Variants in NTM observed in about 807,000 individuals in gnomAD.
NTM encodes the protein IgLON family member 2.
Under a neutral mutation model 42.1 loss-of-function variants are expected in NTM, and 13 were observed. That is an observed-to-expected ratio of 0.31 (90% CI 0.20 to 0.49). The LOEUF (loss-of-function observed/expected upper bound fraction) is 0.49, where lower values mean the gene tolerates loss of function less well. NTM is among the 20% of genes least tolerant of loss of function. The pLI is 0.99. For synonymous variants in NTM, 187 were observed against 179.2 expected (o/e 1.04, Z -0.35); for missense variants, 373 against 452.8 (o/e 0.82, Z 1.60).
intron 1 of NTM, among the ~76,000 whole-genome samples, chr11:131,883,240 A>G (rs1337152023): frequency 2.0e-5 from 3 of 152,218 alleles, no homozygotes; most frequent in Non-Finnish European, 2.9e-5. Flanking sequence ...TTAAAAAGGA[A>G]AAGTCAAAAC....
intron 1 of NTM, among the ~76,000 whole-genome samples, chr11:131,741,335 A>G (rs772330280): frequency 3.3e-5 from 5 of 152,114 alleles, no homozygotes; most frequent in Non-Finnish European, 5.9e-5. Context: ...TGAGTTCTGT[A>G]CCACTTGTGG....
chr11:132,116,990 T>C (rs188736816), intron 2 of NTM, among the ~76,000 whole-genome samples: 211 of 152,310 alleles, frequency 1.4e-3, no homozygotes, highest in African/African-American at 4.9e-3. Context: ...GCTAATATTT[T>C]CTCAAGAGGT....
chr11:131,826,782 C>A (rs2042187520), intron 1 of NTM, among the ~76,000 whole-genome samples: 1 of 151,988 alleles, frequency 6.6e-6, no homozygotes, highest in Non-Finnish European at 1.5e-5. Context: ...TATACTGGTC[C>A]CAAACTGCCA....
intron 6 of NTM, among the ~76,000 whole-genome samples, chr11:132,311,343 T>G (rs2136104238): frequency 6.6e-6 from 1 of 152,272 alleles, no homozygotes; most frequent in South Asian, 2.1e-4. Flanking sequence ...CAGTGTTTTG[T>G]TTTTTTAAAA....
At chr11:132,236,093 C>A (rs554105700) in intron 4 of NTM, among the ~76,000 whole-genome samples, 11 of 152,020 alleles carry the variant, frequency 7.2e-5, no homozygotes, top group Non-Finnish European at 1.3e-4. Flanking sequence ...AAAGCCTATG[C>A]TTGAAAATGA....
intron 1 of NTM, among the ~76,000 whole-genome samples, chr11:131,591,052 C>T (rs1394878566): frequency 1.3e-5 from 2 of 152,178 alleles, no homozygotes; most frequent in African/African-American, 4.8e-5. Context: ...AATCCTTGGG[C>T]GTAGTTTCAG....
intron 2 of NTM, among the ~76,000 whole-genome samples, chr11:132,122,268 A>T (rs748643564): frequency 3.3e-5 from 5 of 152,160 alleles, no homozygotes; most frequent in Non-Finnish European, 5.9e-5. Context: ...TAAATAAACA[A>T]GGGAGGCCAA....
intron 1 of NTM, among the ~76,000 whole-genome samples, chr11:131,789,846 C>G (rs1339275566): frequency 4.7e-5 from 7 of 149,136 alleles, no homozygotes; most frequent in African/African-American, 1.7e-4. Flanking sequence ...GTCCCAGCTA[C>G]ACGGGAGGCT....
At chr11:132,307,333 G>GA (rs2140179278) in intron 4 of NTM, among the ~76,000 whole-genome samples, 1 of 152,296 alleles carries the variant, frequency 6.6e-6, no homozygotes, top group Admixed American at 6.5e-5. Context: ...CTTGAGATCA[G>GA]AAAGAGTTAA....
intron 1 of NTM, chr11:131,538,332 C>T (rs1331860482): frequency 6.6e-6 from 1 of 152,138 alleles, no homozygotes; most frequent in African/African-American, 2.4e-5. Context: ...TGGTCAAAGT[C>T]ACATACCTAG....
intron 4 of NTM, among the ~76,000 whole-genome samples, chr11:132,305,349 G>A (rs1470827936): frequency 6.6e-6 from 1 of 152,206 alleles, no homozygotes; most frequent in African/African-American, 2.4e-5. Context: ...GAGACCTGAG[G>A]TCCTATCAGT....
chr11:131,851,262 C>T (rs2045500771), intron 1 of NTM, among the ~76,000 whole-genome samples: 1 of 152,128 alleles, frequency 6.6e-6, no homozygotes, highest in Non-Finnish European at 1.5e-5. Flanking sequence ...TCCTTAGAAT[C>T]ATAGAGCTGT....
At chr11:131,415,860 C>T (rs764153626) in intron 1 of NTM, among the ~76,000 whole-genome samples, 1 of 152,190 alleles carries the variant, frequency 6.6e-6, no homozygotes, top group East Asian at 1.9e-4. Flanking sequence ...GAGGTTTTTG[C>T]CCTCATTGTC....
intron 2 of NTM, among the ~76,000 whole-genome samples, chr11:131,930,742 A>G (rs75004443): frequency 1.8e-3 from 268 of 152,306 alleles, no homozygotes; most frequent in African/African-American, 6.1e-3. Context: ...TTCTCAAACA[A>G]CATATTGTCT....
intron 1 of NTM, among the ~76,000 whole-genome samples, chr11:131,473,404 G>A (rs1486789281): frequency 6.6e-6 from 1 of 152,168 alleles, no homozygotes; most frequent in African/African-American, 2.4e-5. Context: ...TGAATCAATA[G>A]GTGAAGGCGT....
chr11:131,889,380 A>G (rs991863471), intron 1 of NTM, among the ~76,000 whole-genome samples: 2 of 152,178 alleles, frequency 1.3e-5, no homozygotes, highest in Non-Finnish European at 2.9e-5. Context: ...ACCCCAGCCC[A>G]TACCCCCAGC....
intron 2 of NTM, among the ~76,000 whole-genome samples, chr11:132,021,513 C>T (rs903989234): frequency 1.3e-5 from 2 of 152,030 alleles, no homozygotes; most frequent in Admixed American, 1.3e-4. Context: ...TCACTTTTCC[C>T]GCAAAGGTTG....
At chr11:132,163,560 A>G (rs557884365) in intron 3 of NTM, among the ~76,000 whole-genome samples, 38 of 152,336 alleles carry the variant, frequency 2.5e-4, no homozygotes, top group African/African-American at 8.9e-4. Flanking sequence ...GAGGAGACCA[A>G]CTAACCCAAG....
rs1352462790 is a variant in NTM, at chr11:132,273,320, T to TG, written c.527-34369_527-34368insG. ...TTTTGTTGACTAGTGTTTTTTTTTT[T>TG]TTTTTTTTTTTTTTTCCTGAGGAAT... On this transcript the variant is annotated intron_variant, in intron 4 of 8. Coordinates refer to ENST00000683400, the MANE Select transcript of NTM (RefSeq NM_001352005.2). 5.5e-4 allele frequency among the ~76,000 whole-genome samples: 80 copies of TG among 144,566 alleles called. 1 individual carries two copies. The highest frequency in any genetic ancestry group is 1.1e-3 in the Non-Finnish European group (74 of 66,084). The allele number at this position is 144,566 out of a possible 152,430, so 94.8% of individuals were successfully genotyped here.
Sources: gnomAD v4.1 joint callset for allele counts (sites outside exome capture counted in the v4.1 genomes callset) on GRCh38, gnomAD v4.1.1 for gene constraint, MANE v1.5 for transcripts, NCBI Gene and HGNC (gene_info 2026-07-23, HGNC 2026-07-21) for gene names.